Variants in CNTLN observed in about 807,000 individuals in gnomAD.
CNTLN encodes the protein centlein, centrosomal protein.
A neutral mutation model predicts 180.0 loss-of-function variants in CNTLN; 212 were observed. That is an observed-to-expected ratio of 1.18 (90% CI 1.05 to 1.32). The LOEUF is 1.32. Ranked by LOEUF, CNTLN falls within the 40% of genes most tolerant of loss-of-function variation. The pLI, the probability that CNTLN is intolerant of heterozygous loss-of-function variation, is 0.00. For synonymous variants in CNTLN, 722 were observed against 563.1 expected, an observed-to-expected ratio of 1.28 and a Z score of -3.99; for missense variants, 2,095 against 1,610.9, an observed-to-expected ratio of 1.30 and a Z score of -5.14.
chr9:17,514,165 C>A, the CNTLN span, among the ~76,000 whole-genome samples: 1 of 113,612 alleles, frequency 8.8e-6, no homozygotes, highest in Non-Finnish European at 2.0e-5. Context: ...AAAAAAAAAA[C>A]TGGGCGTAAT....
At chr9:17,459,002 TAG>T (rs777344844) in intron 19 of CNTLN, among the ~76,000 whole-genome samples, 3 of 151,824 alleles carry the variant, frequency 2.0e-5, no homozygotes, top group Non-Finnish European at 4.4e-5. Context: ...ATCTATCACA[TAG>T]ACTTTAATTC....
chr9:17,235,439 C>T (rs938334540), intron 3 of CNTLN, among the ~76,000 whole-genome samples: 1 of 151,704 alleles, frequency 6.6e-6, no homozygotes, highest in Non-Finnish European at 1.5e-5. Context: ...ATTTAATATC[C>T]AGTTTTTATG....
intron 12 of CNTLN, among the ~76,000 whole-genome samples, chr9:17,358,044 G>A (rs982510945): frequency 3.2e-4 from 49 of 151,968 alleles, no homozygotes; most frequent in Non-Finnish European, 5.6e-4. Flanking sequence ...TTTAAATTTG[G>A]TAATATATTT....
intron 2 of CNTLN, among the ~76,000 whole-genome samples, chr9:17,181,717 G>C (rs976768573): frequency 6.6e-6 from 1 of 152,120 alleles, no homozygotes; most frequent in African/African-American, 2.4e-5. Flanking sequence ...ATTTACTGCC[G>C]GAAGAGTTTA....
intron 2 of CNTLN, among the ~76,000 whole-genome samples, chr9:17,202,439 A>G (rs1375929981): frequency 1.4e-5 from 2 of 145,892 alleles, no homozygotes; most frequent in Non-Finnish European, 1.5e-5. Context: ...CTCACTCACT[A>G]TTATTGTGTG....
chr9:17,142,300 A>G lies in CNTLN; in HGVS notation c.361-988A>G, dbSNP rs983127219. The stretch of plus-strand genomic sequence containing the variant: ...TATTGTTAGTGTTAGTGTATTTTAT[A>G]TATGGCCTAAGATAATAATTCTTCT... On this transcript the variant is annotated intron_variant, in intron 1 of 25. Transcript: ENST00000380647. Among the ~76,000 whole-genome samples the G allele has an allele frequency of 5.9e-5, 9 of 152,216 alleles. No homozygotes were observed. The South Asian group carries it at 6.2e-4, about 11-fold the overall frequency.
intron 18 of CNTLN, chr9:17,444,124 G>T (rs140909056): frequency 6.6e-6 from 1 of 152,244 alleles, no homozygotes; most frequent in East Asian, 1.9e-4. Flanking sequence ...CATAGACTTG[G>T]TAAAGGTACA....
intron 2 of CNTLN, among the ~76,000 whole-genome samples, chr9:17,193,344 C>T (rs1192340880): frequency 6.6e-6 from 1 of 152,196 alleles, no homozygotes; most frequent in African/African-American, 2.4e-5. Flanking sequence ...TCCCTTCCAC[C>T]TATGAGCCTG....
intron 2 of CNTLN, among the ~76,000 whole-genome samples, chr9:17,193,623 C>G (rs184088723): frequency 1.3e-5 from 2 of 152,188 alleles, no homozygotes; most frequent in African/African-American, 2.4e-5. Context: ...TCCAGCCTCC[C>G]TCCCAGCTGC....
intron 14 of CNTLN, among the ~76,000 whole-genome samples, chr9:17,391,543 T>A (rs569202554): frequency 1.3e-5 from 2 of 152,244 alleles, no homozygotes; most frequent in African/African-American, 4.8e-5. Context: ...CCCCAACGTA[T>A]GTAAAATTTT....
At chr9:17,250,032 G>A (rs139065206) in intron 5 of CNTLN, among the ~76,000 whole-genome samples, 1 of 150,958 alleles carries the variant, frequency 6.6e-6, no homozygotes, top group African/African-American at 2.4e-5. Context: ...TTCTTTAATT[G>A]TTTGCTCTCT....
At chr9:17,461,976 G>A (rs549906140) in intron 19 of CNTLN, among the ~76,000 whole-genome samples, 1 of 151,762 alleles carries the variant, frequency 6.6e-6, no homozygotes, top group Admixed American at 6.6e-5. Context: ...GAACAAACAT[G>A]TTTTGCTTTG....
At chr9:17,312,442 A>G (rs1478200088) in intron 8 of CNTLN, among the ~76,000 whole-genome samples, 2 of 146,040 alleles carry the variant, frequency 1.4e-5, no homozygotes, top group Non-Finnish European at 3.0e-5. Flanking sequence ...GCTGGAGTGC[A>G]GTGGCGCGAT....
chr9:17,402,255 A>G (rs918283872), intron 15 of CNTLN, among the ~76,000 whole-genome samples: 1 of 151,912 alleles, frequency 6.6e-6, no homozygotes, highest in Admixed American at 6.6e-5. Context: ...AGGAAGGCAT[A>G]GCCAAAATCT....
chr9:17,499,741 A>G (rs1833646243), intron 25 of CNTLN, among the ~76,000 whole-genome samples: 2 of 152,134 alleles, frequency 1.3e-5, no homozygotes, highest in African/African-American at 2.4e-5. Context: ...TTCAATTATT[A>G]ACTATTTTGT....
At chr9:17,192,399 C>T (rs764291615) in intron 2 of CNTLN, among the ~76,000 whole-genome samples, 15 of 151,924 alleles carry the variant, frequency 9.9e-5, no homozygotes, top group South Asian at 4.2e-4. Context: ...CCACCGTGCC[C>T]GGCTAATTTT....
intron 18 of CNTLN, among the ~76,000 whole-genome samples, chr9:17,434,178 T>C (rs1173681313): frequency 1.3e-5 from 2 of 152,142 alleles, no homozygotes; most frequent in East Asian, 3.8e-4. Context: ...ATTTAGTTGA[T>C]TTTTCAAGAG....
intron 5 of CNTLN, among the ~76,000 whole-genome samples, chr9:17,239,861 G>A (rs1177415031): frequency 6.6e-6 from 1 of 152,060 alleles, no homozygotes; most frequent in Admixed American, 6.5e-5. Flanking sequence ...CATTTTCTTG[G>A]ATGTTGCAGA....
At position 17,339,275 on chromosome 9, in the gene CNTLN, A is replaced by G. The variant is rs145125372; in HGVS notation, c.1645-1552A>G. On this transcript the variant is annotated intron_variant, in intron 10 of 25. Coordinates refer to ENST00000380647, the MANE Select transcript of CNTLN (RefSeq NM_017738.4). Reference sequence around the variant, plus strand: ...CTAGAATTGCAGTAAAATAATGCAGACTCTATAAAGTATTATCTCACTGTT... The same window carrying G: ...CTAGAATTGCAGTAAAATAATGCAGGCTCTATAAAGTATTATCTCACTGTT... 1.8e-3 allele frequency among the ~76,000 whole-genome samples: 268 copies of G among 152,236 alleles called. 1 individual carries two copies. Among genetic ancestry groups the G allele is most frequent in the African/African-American group, 6.1e-3 (253 of 41,550 alleles).
Sources: gnomAD v4.1 joint callset for allele counts (sites outside exome capture counted in the v4.1 genomes callset) on GRCh38, gnomAD v4.1.1 for gene constraint, MANE v1.5 for transcripts, NCBI Gene and HGNC (gene_info 2026-07-23, HGNC 2026-07-21) for gene names.